Variants in SLC2A13 observed in about 807,000 individuals in gnomAD.
The protein encoded by SLC2A13 is solute carrier family 2 member 13.
A neutral mutation model predicts 64.4 loss-of-function variants in SLC2A13; 32 were observed. That is an observed-to-expected ratio of 0.50 (90% CI 0.37 to 0.67). SLC2A13 has a LOEUF of 0.67. Ranked by LOEUF, SLC2A13 falls within the 30% of genes least tolerant of loss-of-function variation. The pLI is 0.00. For synonymous variants in SLC2A13, 338 were observed against 327.1 expected (o/e 1.03, Z -0.36); for missense variants, 743 against 829.2 (o/e 0.90, Z 1.28).
intron 7 of SLC2A13, among the ~76,000 whole-genome samples, chr12:39,813,706 G>A (rs1314965913): frequency 6.6e-6 from 1 of 152,124 alleles, no homozygotes; most frequent in Non-Finnish European, 1.5e-5. Flanking sequence ...TGGAGTAGTG[G>A]GGGATGAAGA....
intron 4 of SLC2A13, 42 bp from the exon 5 acceptor site, chr12:39,872,003 C>A: frequency 3.5e-6 from 5 of 1,444,934 alleles, no homozygotes; most frequent in East Asian, 2.6e-5. Flanking sequence ...GATAGTTACC[C>A]AAAGAAACAG....
At chr12:40,015,001 G>A (rs1345792058) in intron 3 of SLC2A13, among the ~76,000 whole-genome samples, 1 of 152,116 alleles carries the variant, frequency 6.6e-6, no homozygotes, top group African/African-American at 2.4e-5. Context: ...CATCTTGTAG[G>A]TACGTCTCTA....
At chr12:39,872,832 T>C (rs1944089787) in intron 4 of SLC2A13, among the ~76,000 whole-genome samples, 1 of 152,226 alleles carries the variant, frequency 6.6e-6, no homozygotes, top group Non-Finnish European at 1.5e-5. Flanking sequence ...AAATCTTAAA[T>C]ACACATTCTG....
At chr12:39,827,582 T>C (rs1465723195) in intron 7 of SLC2A13, among the ~76,000 whole-genome samples, 1 of 152,126 alleles carries the variant, frequency 6.6e-6, no homozygotes, top group Non-Finnish European at 1.5e-5. Context: ...ATTAAACTTG[T>C]ATGTGTGTGG....
chr12:39,971,997 A>AAAAAATAT (rs1375405006), intron 3 of SLC2A13, among the ~76,000 whole-genome samples: 2 of 77,352 alleles, frequency 2.6e-5, no homozygotes, highest in Non-Finnish European at 2.5e-5. Context: ...AAAAAAAAAA[A>AAAAAATAT]ATATATATAT....
At chr12:40,028,648 T>C (rs1229088175) in intron 2 of SLC2A13, 139 bp from the exon 3 acceptor site, 13 of 745,990 alleles carry the variant, frequency 1.7e-5, no homozygotes, top group Admixed American at 3.1e-5. Context: ...TATGTGTGTG[T>C]CTGTCACTAG....
rs931484294 is a variant in SLC2A13 at position 39,755,285 on chromosome 12, A to ATACT, written c.*4737_*4740dup. ...TCCCATATATCGCTTGTGGGAATAA[A>ATACT]TACTTATATTGAATTTGCCAAGACA... On this transcript the variant is annotated 3_prime_UTR_variant, in exon 10 of 10. Transcript: ENST00000280871. The ATACT allele has an allele frequency of 5.9e-5, 9 of 152,134 alleles. No individual in the cohort carries two copies. The highest frequency in any genetic ancestry group is 7.4e-5 in the Non-Finnish European group (5 of 67,908). 9.4% of individuals were successfully genotyped at this position (152,134 alleles called of 1,614,324 possible).
Position 39,755,970 on chromosome 12 carries a change from T to C in SLC2A13, c.*4056A>G, listed in dbSNP as rs1212835320. 2.0e-5 allele frequency: 3 copies of C among 152,050 alleles called. No individual in the cohort carries two copies. The highest frequency in any genetic ancestry group is 2.9e-5 in the Non-Finnish European group (2 of 67,838). The allele number at this position is 152,050 out of a possible 1,614,324, so 9.4% of individuals were successfully genotyped here. ...GAGACAAGATACAAGAAAGAGTTGG[T>C]AGCAGTTAGCTATTTGGCATTTTTA... On this transcript the variant is annotated 3_prime_UTR_variant, in exon 10 of 10. Transcript: ENST00000280871.
chr12:40,005,093 A>G (rs1367081755), intron 3 of SLC2A13, among the ~76,000 whole-genome samples: 1 of 152,212 alleles, frequency 6.6e-6, no homozygotes, highest in Non-Finnish European at 1.5e-5. Flanking sequence ...ATCACTTACC[A>G]GCACTGCTGA....
intron 6 of SLC2A13, among the ~76,000 whole-genome samples, chr12:39,855,978 C>G (rs1943597249): frequency 6.6e-6 from 1 of 152,176 alleles, no homozygotes. Flanking sequence ...CAGAGACCTG[C>G]AGGCTTGAAC....
At chr12:39,925,030 A>ATTTTTT (rs58902176) in intron 4 of SLC2A13, among the ~76,000 whole-genome samples, 7 of 119,118 alleles carry the variant, frequency 5.9e-5, no homozygotes, top group Non-Finnish European at 8.5e-5. Context: ...CATACAGATA[A>ATTTTTT]TTTTTTTTTT....
chr12:39,834,669 T>C (rs1237020266), intron 6 of SLC2A13, among the ~76,000 whole-genome samples: 2 of 152,008 alleles, frequency 1.3e-5, no homozygotes, highest in Admixed American at 6.6e-5. Context: ...TGGGGCTCGG[T>C]GTGGGAACTG....
At chr12:40,051,731 G>A (rs887317424) in intron 1 of SLC2A13, among the ~76,000 whole-genome samples, 17 of 152,284 alleles carry the variant, frequency 1.1e-4, no homozygotes, top group African/African-American at 3.9e-4. Context: ...CAGGCAGGAC[G>A]AAAAGCATCC....
intron 3 of SLC2A13, among the ~76,000 whole-genome samples, chr12:39,980,348 T>C (rs1946865255): frequency 6.6e-6 from 1 of 152,060 alleles, no homozygotes. Flanking sequence ...GTAAATGGAC[T>C]ATATTCTCCA....
At chr12:40,097,481 G>A (rs972251921) in intron 1 of SLC2A13, among the ~76,000 whole-genome samples, 16 of 152,226 alleles carry the variant, frequency 1.1e-4, no homozygotes, top group African/African-American at 3.9e-4. Flanking sequence ...CTGATAGGGG[G>A]TTAATATTCA....
chr12:39,978,337 G>C (rs1255961242), intron 3 of SLC2A13, among the ~76,000 whole-genome samples: 1 of 152,198 alleles, frequency 6.6e-6, no homozygotes, highest in Non-Finnish European at 1.5e-5. Flanking sequence ...GGCCGAATAG[G>C]AACAGCTCCA....
chr12:39,908,098 T>C (rs1945339106), intron 4 of SLC2A13: 1 of 152,002 alleles, frequency 6.6e-6, no homozygotes, highest in Admixed American at 6.6e-5. Flanking sequence ...TCTTCCTAGA[T>C]TTCACTTTTT....
chr12:40,014,904 T>A (rs928621883), intron 3 of SLC2A13, among the ~76,000 whole-genome samples: 1 of 152,234 alleles, frequency 6.6e-6, no homozygotes, highest in South Asian at 2.1e-4. Context: ...AAATGTTTTA[T>A]GCAAATGACT....
At chr12:40,091,264 G>A (rs918922586) in intron 1 of SLC2A13, among the ~76,000 whole-genome samples, 1 of 152,190 alleles carries the variant, frequency 6.6e-6, no homozygotes, top group African/African-American at 2.4e-5. Context: ...TTTATGTTGT[G>A]TAAAATAAGA....
Sources: gnomAD v4.1 joint callset for allele counts (sites outside exome capture counted in the v4.1 genomes callset) on GRCh38, gnomAD v4.1.1 for gene constraint, MANE v1.5 for transcripts, NCBI Gene and HGNC (gene_info 2026-07-23, HGNC 2026-07-21) for gene names.